POLR3B: variants seen among roughly 807,000 people sequenced by gnomAD.
The protein encoded by POLR3B is RNA polymerase III subunit B, also known as DNA-directed RNA polymerase III subunit RPC2.
In POLR3B, 96 loss-of-function variants were observed where a neutral mutation model predicts 147.4. The ratio of observed to expected loss-of-function variants is 0.65; its 90% confidence interval spans 0.55 to 0.77. The LOEUF is 0.77. Ranked by LOEUF, POLR3B falls within the 30% of genes least tolerant of loss-of-function variation. The pLI is 0.00. For missense variants in POLR3B, 1,036 were observed against 1,413.5 expected, an observed-to-expected ratio of 0.73 and a Z score of 4.28; for synonymous variants, 461 against 485.9, an observed-to-expected ratio of 0.95 and a Z score of 0.67.
intron 12 of POLR3B, among the ~76,000 whole-genome samples, chr12:106,418,072 CAG>C (rs2037330103): frequency 6.6e-6 from 1 of 152,180 alleles, no homozygotes; most frequent in African/African-American, 2.4e-5. Context: ...CTTTAGATAA[CAG>C]AGTTGTCTCC....
chr12:106,369,976 GTCT>G (rs1229475799), intron 6 of POLR3B, among the ~76,000 whole-genome samples: 1 of 152,006 alleles, frequency 6.6e-6, no homozygotes, highest in African/African-American at 2.4e-5. Flanking sequence ...TCCTGGACAG[GTCT>G]TCTTGGTGGA....
chr12:106,420,082 A>G (rs1005940005), intron 12 of POLR3B, among the ~76,000 whole-genome samples: 3 of 152,084 alleles, frequency 2.0e-5, no homozygotes, highest in African/African-American at 7.2e-5. Flanking sequence ...GTGGCTCAGG[A>G]ATCTAAGAGT....
At chr12:106,467,348 T>C (rs930041936) in intron 23 of POLR3B, among the ~76,000 whole-genome samples, 3 of 152,318 alleles carry the variant, frequency 2.0e-5, no homozygotes, top group Admixed American at 6.5e-5. Context: ...TAAGGAGATT[T>C]TGGGCTGAGA....
intron 6 of POLR3B, among the ~76,000 whole-genome samples, chr12:106,375,100 A>C (rs1016035158): frequency 6.6e-6 from 1 of 152,184 alleles, no homozygotes; most frequent in Non-Finnish European, 1.5e-5. Flanking sequence ...AGAATACACA[A>C]ATCGAGGTTG....
chr12:106,364,943 G>A (rs1216051986), intron 2 of POLR3B, among the ~76,000 whole-genome samples: 1 of 152,120 alleles, frequency 6.6e-6, no homozygotes, highest in Non-Finnish European at 1.5e-5. Flanking sequence ...AGACCACCCT[G>A]GCCAACATAG....
Position 106,369,632 on chromosome 12 carries a change from A to G in POLR3B, c.353A>G (p.Glu118Gly), listed in dbSNP as rs1593001662. ...TYSAPITVDI[E>G]YTRGSQRIIR... ...TCTGCCCCTATTACAGTGGATATTG[A>G]ATATACCCGAGGCAGCCAGAGGATC... The change falls in exon 6 of 28, where the codon GAA becomes GGA. Residue 118 changes from glutamate (E) to glycine (G), a missense_variant. Around this residue, in one of 12 missense-constraint regions of POLR3B, gnomAD observed 150 missense variants for 145.5 expected, o/e 1.03. Transcript: ENST00000228347. 1 of 1,613,568 alleles carries G rather than the reference A, an allele frequency of 6.2e-7. No homozygotes were observed. Among genetic ancestry groups the G allele is most frequent in the Non-Finnish European group, 8.5e-7 (1 of 1,179,520 alleles).
intron 9 of POLR3B, among the ~76,000 whole-genome samples, chr12:106,383,108 A>G (rs2036786863): frequency 6.6e-6 from 1 of 152,190 alleles, no homozygotes; most frequent in Non-Finnish European, 1.5e-5. Flanking sequence ...AACCTCTGCT[A>G]GTTTCCAACT....
intron 2 of POLR3B, among the ~76,000 whole-genome samples, chr12:106,365,323 A>G (rs1165015488): frequency 6.6e-6 from 1 of 152,084 alleles, no homozygotes; most frequent in African/African-American, 2.4e-5. Context: ...GTAGGAAGCT[A>G]TTGAGGAGTT....
intron 9 of POLR3B, among the ~76,000 whole-genome samples, chr12:106,386,226 C>T (rs1376526138): frequency 6.6e-6 from 1 of 151,596 alleles, no homozygotes; most frequent in Non-Finnish European, 1.5e-5. Flanking sequence ...CACGCCTGCC[C>T]CAGCTACTTG....
rs550453071 is a variant in POLR3B, at chr12:106,504,222, T to C, written c.3240T>C (p.Cys1080=). ...ISSDAFEVDV[C]GQCGLLGYSG... Reference sequence around the variant, plus strand: ...GTGATGCCTTTGAGGTTGATGTCTGTGGGCAGTGTGGACTTCTGGGGTATT... The same window carrying C: ...GTGATGCCTTTGAGGTTGATGTCTGCGGGCAGTGTGGACTTCTGGGGTATT... The change falls in exon 27 of 28, where the codon TGT becomes TGC. Residue 1080 remains cysteine, a synonymous_variant. Coordinates refer to ENST00000228347, the MANE Select transcript of POLR3B (RefSeq NM_018082.6). The surrounding 1 kb of genome is among the most constrained non-coding windows in gnomAD (Gnocchi z 4.6). The C allele has an allele frequency of 6.2e-7, 1 of 1,614,196 alleles. No individual in the cohort carries two copies. The highest frequency in any genetic ancestry group is 1.3e-5 in the African/African-American group (1 of 75,050).
intron 23 of POLR3B, among the ~76,000 whole-genome samples, chr12:106,490,590 GAACAAAGCCAA>G: frequency 6.6e-6 from 1 of 152,112 alleles, no homozygotes; most frequent in Non-Finnish European, 1.5e-5. Flanking sequence ...TTCAACAACA[GAACAAAGCCAA>G]TATGATTCAA....
chr12:106,426,312 C>T (rs1017943245), intron 12 of POLR3B, among the ~76,000 whole-genome samples: 1 of 150,992 alleles, frequency 6.6e-6, no homozygotes, highest in Non-Finnish European at 1.5e-5. Flanking sequence ...AGTGTAGTGG[C>T]GCAATCTCGG....
chr12:106,501,985 G>T (rs2038609666), intron 26 of POLR3B, among the ~76,000 whole-genome samples: 1 of 152,224 alleles, frequency 6.6e-6, no homozygotes, highest in Non-Finnish European at 1.5e-5. Context: ...GTGGGTTAAT[G>T]AATGGATAAA....
In POLR3B at chr12:106,412,447, C is replaced by G. The variant is rs140812062; in HGVS notation, c.1101+1487C>G. ...TTCAATCCAGTAAGACTGCAACTTA[C>G]TTTCTCATGTTTTAGCCTTCTGATT... On this transcript the variant is annotated intron_variant, in intron 12 of 27. Coordinates refer to ENST00000228347, the MANE Select transcript of POLR3B (RefSeq NM_018082.6). Among the ~76,000 whole-genome samples the G allele has an allele frequency of 9.8e-5, 15 of 152,292 alleles. No individual in the cohort carries two copies. The East Asian group carries it at 2.7e-3, about 27-fold the overall frequency.
At chr12:106,398,012 C>A (rs1042352459) in intron 10 of POLR3B, among the ~76,000 whole-genome samples, 2 of 152,196 alleles carry the variant, frequency 1.3e-5, no homozygotes, top group East Asian at 1.9e-4. Context: ...GCGCACCGTG[C>A]GTGAGCCAAA....
At chr12:106,472,197 A>AT (rs1404183005) in intron 23 of POLR3B, among the ~76,000 whole-genome samples, 3 of 140,202 alleles carry the variant, frequency 2.1e-5, no homozygotes, top group East Asian at 2.1e-4. Context: ...TGAACTCATC[A>AT]TTTTTTATGG....
intron 6 of POLR3B, among the ~76,000 whole-genome samples, chr12:106,371,512 T>C (rs1418791672): frequency 1.3e-5 from 2 of 151,048 alleles, no homozygotes; most frequent in Admixed American, 6.6e-5. Flanking sequence ...TGGCACTATT[T>C]ACAATAGCAA....
At position 106,432,498 on chromosome 12, in the gene POLR3B, A is replaced by G. The variant is rs550292831; in HGVS notation, c.1627+18A>G. 1 of 1,600,170 alleles carries G rather than the reference A, an allele frequency of 6.2e-7. No homozygotes were observed. The highest frequency in any genetic ancestry group is 1.1e-5 in the South Asian group (1 of 90,766). ...TCTTAATGGTGGGTATATTATAGAGACATGTTGGTCCTAGATAGTCTGTGA... is the reference window on the plus strand; with the variant it reads ...TCTTAATGGTGGGTATATTATAGAGGCATGTTGGTCCTAGATAGTCTGTGA... On this transcript the variant is annotated intron_variant, in intron 15 of 27. Transcript: ENST00000228347.
At position 106,459,025 on chromosome 12, in the gene POLR3B, ATGTGTGTGTGTG is replaced by A. The variant is rs113294680; in HGVS notation, c.2453-219_2453-208del. ...TTTTCTTAATTTTATATAGACTATG[ATGTGTGTGTGTG>A]TGTGTGGGTGTGTGAGTCTCACTCT... On this transcript the variant is annotated intron_variant, in intron 21 of 27. Transcript: ENST00000228347. 7.2e-3 allele frequency among the ~76,000 whole-genome samples: 1,088 copies of A among 150,104 alleles called. 8 individuals carry two copies. Among genetic ancestry groups the A allele is most frequent in the Non-Finnish European group, 0.012 (823 of 67,322 alleles).
Sources: allele counts gnomAD v4.1 joint callset (sites outside exome capture counted in the v4.1 genomes callset), GRCh38; gene constraint gnomAD v4.1.1; regional missense constraint gnomAD v4.1.1; non-coding constraint Gnocchi (gnomAD v3.1); transcripts MANE v1.5; gene names NCBI Gene and HGNC (gene_info 2026-07-23, HGNC 2026-07-21).